Variants in HDX observed in about 807,000 individuals in gnomAD.
The protein encoded by HDX is highly divergent homeobox, also known as chromosome X open reading frame 43.
In HDX, 19 loss-of-function variants were observed where a neutral mutation model predicts 45.2. That is an observed-to-expected ratio of 0.42 (90% CI 0.29 to 0.62). The LOEUF (loss-of-function observed/expected upper bound fraction) is 0.62, where lower values mean the gene tolerates loss of function less well. HDX is among the 20% of genes least tolerant of loss of function. The pLI, the probability that HDX is intolerant of heterozygous loss-of-function variation, is 0.20. For synonymous variants in HDX, 188 were observed against 172.8 expected (o/e 1.09, Z -0.69); for missense variants, 532 against 493.9 (o/e 1.08, Z -0.73).
At chrX:84,379,544 C>T (rs1360012476) in intron 5 of HDX, among the ~76,000 whole-genome samples, 1 of 111,155 alleles carries the variant, frequency 9.0e-6, no homozygotes, top group African/African-American at 3.3e-5. Flanking sequence ...TCTCTGACCA[C>T]AAATGAATAA....
intron 6 of HDX, among the ~76,000 whole-genome samples, chrX:84,359,193 A>G (rs1424926402): frequency 9.1e-6 from 1 of 110,391 alleles, no homozygotes; most frequent in Non-Finnish European, 1.9e-5. Flanking sequence ...ATTTTATTTT[A>G]TTTTATTTTA....
At chrX:84,474,119 C>T (rs971536349) in intron 3 of HDX, among the ~76,000 whole-genome samples, 5 of 111,066 alleles carry the variant, frequency 4.5e-5, no homozygotes, top group South Asian at 3.9e-4. Flanking sequence ...GGCGAAACCC[C>T]GTCTTTACTA....
chrX:84,368,302 T>C (rs1340255915), intron 5 of HDX, among the ~76,000 whole-genome samples: 1 of 112,153 alleles, frequency 8.9e-6, no homozygotes, highest in African/African-American at 3.2e-5. Context: ...GTACTAAACA[T>C]GTGTTAAAGT....
At chrX:84,423,483 C>CAAAAAAAAA (rs538893311) in intron 5 of HDX, among the ~76,000 whole-genome samples, 2 of 59,487 alleles carry the variant, frequency 3.4e-5, no homozygotes, top group Admixed American at 2.3e-4. Context: ...ACAGAAACAT[C>CAAAAAAAAA]AAAAAAAAAA....
At chrX:84,379,529 C>A (rs1338762055) in intron 5 of HDX, among the ~76,000 whole-genome samples, 1 of 111,370 alleles carries the variant, frequency 9.0e-6, no homozygotes, top group Non-Finnish European at 1.9e-5. Context: ...TAATATCAAG[C>A]ATCATCTCTG....
At chrX:84,467,027 A>T (rs2040363622) in intron 4 of HDX, among the ~76,000 whole-genome samples, 1 of 111,277 alleles carries the variant, frequency 9.0e-6, no homozygotes, top group South Asian at 3.8e-4. Flanking sequence ...TAGGTGAATG[A>T]AGGAGGGGTG....
intron 5 of HDX, among the ~76,000 whole-genome samples, chrX:84,397,180 G>A (rs2038586672): frequency 1.8e-5 from 2 of 112,133 alleles, no homozygotes; most frequent in South Asian, 3.7e-4. Context: ...GGAGGCAGTG[G>A]AGTCACTGCC....
At position 84,468,663 on chromosome X, in the gene HDX, T is replaced by C. The variant is rs746008801; in HGVS notation, c.1060A>G (p.Met354Val). The C allele has an allele frequency of 8.3e-7, 1 of 1,205,802 alleles. No homozygotes were observed. Among genetic ancestry groups the C allele is most frequent in the South Asian group, 1.8e-5 (1 of 56,602 alleles). Residue 354 changes from methionine to valine, a missense_variant, in exon 4 of 11, where the codon ATG (methionine) becomes GTG (valine). Physicochemically the swap from Met to Val is conservative, Grantham distance 21 (BLOSUM62 1). Around this residue, in one of 3 missense-constraint regions of HDX, gnomAD observed 376 missense variants for 343.7 expected, o/e 1.09. Transcript: ENST00000373177. ...GPGRNMPNSQ[M>V]VNIRDMSDNV... is the part of the protein sequence containing the mutation. ...TCTGACATATCTCTAATATTCACCA[T>C]TTGTGAATTTGGCATATTTCTTCCT...
chrX:84,446,477 CTG>C (rs1267912425), intron 4 of HDX, among the ~76,000 whole-genome samples: 3 of 111,723 alleles, frequency 2.7e-5, no homozygotes, highest in African/African-American at 9.7e-5. Flanking sequence ...AATCACAACT[CTG>C]TATCTTTTCT....
At position 84,453,525 on chromosome X, in the gene HDX, A is replaced by T. The variant is rs191758645; in HGVS notation, c.1252-12940T>A. Among the ~76,000 whole-genome samples, 49 of 112,153 alleles carry T rather than the reference A, an allele frequency of 4.4e-4. No individual in the cohort carries two copies. In the Admixed American group the frequency reaches 4.6e-3, roughly 11 times the overall value. ...TGGCATGCATGGAGGGAGTATTTAG[A>T]CCAGCACTAGCCAGAGGGGAATCAC... On this transcript the variant is annotated intron_variant, in intron 4 of 10. Transcript: ENST00000373177.
At position 84,469,533 on chromosome X, in the gene HDX, A is replaced by G; in HGVS notation, c.190T>C (p.Ser64Pro). Residue 64 changes from serine (S) to proline (P), a missense_variant, in exon 4 of 11, where the codon TCT becomes CCT. Ser to Pro is a moderately conservative substitution (Grantham distance 74). Around this residue, in one of 3 missense-constraint regions of HDX, gnomAD observed 376 missense variants for 343.7 expected, o/e 1.09. Coordinates refer to ENST00000373177, the MANE Select transcript of HDX (RefSeq NM_001177479.2). ...NKRRKMSSKN[S>P]ESGTATTGTS... is the part of the protein sequence containing the mutation. ...CCTGTTGTTGCTGTTCCAGATTCAG[A>G]GTTCTTACTACTCATCTTTCTTCTC... is the stretch of plus-strand genomic sequence containing the variant. The G allele has an allele frequency of 8.3e-7, 1 of 1,202,847 alleles. No homozygotes were observed. The highest frequency in any genetic ancestry group is 1.8e-5 in the South Asian group (1 of 55,566).
chrX:84,398,247 G>A (rs1403770087), intron 5 of HDX, among the ~76,000 whole-genome samples: 1 of 110,990 alleles, frequency 9.0e-6, no homozygotes. Flanking sequence ...AATGTAAATG[G>A]GCCAAATGCC....
intron 10 of HDX, among the ~76,000 whole-genome samples, chrX:84,323,849 C>G (rs1398831234): frequency 2.7e-5 from 3 of 112,376 alleles, no homozygotes; most frequent in Non-Finnish European, 5.7e-5. Flanking sequence ...CAGGGTCTGA[C>G]CTACGGTCAT....
chrX:84,495,434 A>G (rs1488850759), intron 1 of HDX, among the ~76,000 whole-genome samples: 1 of 111,686 alleles, frequency 9.0e-6, no homozygotes, highest in East Asian at 2.8e-4. Context: ...CATATATCCA[A>G]TCACCATGTT....
At chrX:84,380,819 G>A in intron 5 of HDX, among the ~76,000 whole-genome samples, 1 of 110,556 alleles carries the variant, frequency 9.0e-6, no homozygotes, top group Non-Finnish European at 1.9e-5. Context: ...AAACAACAAG[G>A]AGGCCCACTT....
intron 5 of HDX, among the ~76,000 whole-genome samples, chrX:84,404,273 A>G (rs540670979): frequency 1.8e-5 from 2 of 111,625 alleles, no homozygotes; most frequent in African/African-American, 3.2e-5. Context: ...AAACTATTAC[A>G]TTGTGAAACA....
At chrX:84,330,994 G>T (rs2036831169) in intron 9 of HDX, among the ~76,000 whole-genome samples, 1 of 111,208 alleles carries the variant, frequency 9.0e-6, no homozygotes, top group African/African-American at 3.3e-5. Flanking sequence ...TTTTATTGTT[G>T]TTAAAACCCT....
chrX:84,387,410 A>G (rs1031252235), intron 5 of HDX, among the ~76,000 whole-genome samples: 7 of 111,566 alleles, frequency 6.3e-5, no homozygotes, highest in African/African-American at 2.3e-4. Flanking sequence ...CTGTCTAACA[A>G]TGTCAGTGGG....
intron 4 of HDX, among the ~76,000 whole-genome samples, chrX:84,464,788 C>A (rs1283507735): frequency 5.4e-5 from 6 of 111,782 alleles, no homozygotes; most frequent in African/African-American, 2.0e-4. Flanking sequence ...GACTAAAACA[C>A]CAGAAGCAAT....
Sources: gnomAD v4.1 joint callset for allele counts (sites outside exome capture counted in the v4.1 genomes callset) on GRCh38, gnomAD v4.1.1 for gene constraint, gnomAD v4.1.1 regional missense constraint, MANE v1.5 for transcripts, NCBI Gene and HGNC (gene_info 2026-07-23, HGNC 2026-07-21) for gene names.